The following TGFBR3 variants were observed in gnomAD, a reference collection of about 807,000 sequenced individuals.
The protein encoded by TGFBR3 is transforming growth factor beta receptor type 3.
In TGFBR3, 46 loss-of-function variants were observed where a neutral mutation model predicts 87.9. The observed-to-expected ratio is 0.52, with a 90% confidence interval of 0.41 to 0.67. TGFBR3 has a LOEUF of 0.67. TGFBR3 is among the 30% of genes least tolerant of loss of function. The pLI is 0.00. For missense variants in TGFBR3, 866 were observed against 1,041.9 expected, an observed-to-expected ratio of 0.83 and a Z score of 2.32; for synonymous variants, 381 against 391.6, an observed-to-expected ratio of 0.97 and a Z score of 0.32.
intron 2 of TGFBR3, 65 bp from the exon 3 acceptor site, chr1:91,797,536 AG>A: frequency 6.4e-7 from 1 of 1,573,064 alleles, no homozygotes; most frequent in Non-Finnish European, 8.7e-7. Flanking sequence ...CAAAGGGGCA[AG>A]GGTGATCAAA....
At chr1:91,770,354 C>T (rs1674334361) in intron 3 of TGFBR3, among the ~76,000 whole-genome samples, 1 of 151,888 alleles carries the variant, frequency 6.6e-6, no homozygotes, top group Non-Finnish European at 1.5e-5. Flanking sequence ...TATTAAACAC[C>T]AATTGAAAAA....
At chr1:91,721,122 G>GAA (rs1352542555) in intron 8 of TGFBR3, among the ~76,000 whole-genome samples, 1 of 152,182 alleles carries the variant, frequency 6.6e-6, no homozygotes, top group African/African-American at 2.4e-5. Flanking sequence ...AGCTGGAAGT[G>GAA]AAGATGATAG....
At chr1:91,774,051 T>G (rs1674478054) in intron 3 of TGFBR3, among the ~76,000 whole-genome samples, 2 of 152,154 alleles carry the variant, frequency 1.3e-5, no homozygotes, top group Admixed American at 6.5e-5. Context: ...TAAACCATGA[T>G]TTACAGTGCA....
rs147660731 is a variant in TGFBR3 at position 91,769,513 on chromosome 1, A to G, written c.247-10763T>C. 7.5e-3 allele frequency among the ~76,000 whole-genome samples: 1,143 copies of G among 152,066 alleles called. 23 individuals are homozygous for G. The highest frequency in any genetic ancestry group is 0.026 in the African/African-American group (1,080 of 41,474). ...CCCCACTTCCTGAGTCACGCTCCCAAAGCTTACTCACAGCACTATCATGAC... is the reference window on the plus strand; with the variant it reads ...CCCCACTTCCTGAGTCACGCTCCCAGAGCTTACTCACAGCACTATCATGAC... On this transcript the variant is annotated intron_variant, in intron 3 of 16. Transcript: ENST00000212355.
At chr1:91,785,768 C>CTTTTTTTTTTTTTT (rs774046968) in intron 3 of TGFBR3, among the ~76,000 whole-genome samples, 1 of 137,138 alleles carries the variant, frequency 7.3e-6, no homozygotes, top group African/African-American at 2.7e-5. Context: ...GGCTTCTGTA[C>CTTTTTTTTTTTTTT]TTTTTTTTTT....
At chr1:91,816,834 CT>C (rs1314109583) in intron 2 of TGFBR3, among the ~76,000 whole-genome samples, 3 of 152,198 alleles carry the variant, frequency 2.0e-5, no homozygotes, top group African/African-American at 4.8e-5. Context: ...AAAGTACTTA[CT>C]TTTTTTCCCC....
At chr1:91,735,034 C>T (rs749634801) in intron 4 of TGFBR3, 75 bp from the exon 5 acceptor site, 1 of 1,549,110 alleles carries the variant, frequency 6.5e-7, no homozygotes, top group African/African-American at 1.4e-5. Flanking sequence ...AAGTACTTCT[C>T]AAATCGAAGT....
chr1:91,834,311 A>G (rs982480808), intron 2 of TGFBR3, among the ~76,000 whole-genome samples: 8 of 152,206 alleles, frequency 5.3e-5, no homozygotes, highest in African/African-American at 1.9e-4. Flanking sequence ...TCACATATCA[A>G]AAAGACAAAA....
chr1:91,784,968 C>G (rs1674903499), intron 3 of TGFBR3, among the ~76,000 whole-genome samples: 1 of 152,184 alleles, frequency 6.6e-6, no homozygotes, highest in South Asian at 2.1e-4. Context: ...GCTTTGCAGG[C>G]CATGCAGGTC....
In TGFBR3 at chr1:91,891,837, T is replaced by G. The variant is rs115346160; in HGVS notation, c.-114+7800A>C. Reference sequence around the variant, plus strand: ...CTCATAAAGACCCAGTTCATACTCGTTGGTGTTTTATTTCATCATAACCTA... The same window carrying G: ...CTCATAAAGACCCAGTTCATACTCGGTGGTGTTTTATTTCATCATAACCTA... On this transcript the variant is annotated intron_variant, in intron 2 of 17. Coordinates refer to the TGFBR3 transcript ENST00000370399. Among the ~76,000 whole-genome samples the G allele has an allele frequency of 2.9e-3, 442 of 152,354 alleles. 2 individuals carry two copies. The highest frequency in any genetic ancestry group is 0.01 in the African/African-American group (431 of 41,592).
chr1:91,690,543 CT>C (rs1671229889), intron 16 of TGFBR3, among the ~76,000 whole-genome samples: 1 of 152,118 alleles, frequency 6.6e-6, no homozygotes, highest in Non-Finnish European at 1.5e-5. Context: ...TCCAGTCCTA[CT>C]TTGTAACAAA....
intron 1 of TGFBR3, among the ~76,000 whole-genome samples, chr1:91,880,816 C>G (rs1342543928): frequency 6.6e-6 from 1 of 150,714 alleles, no homozygotes; most frequent in Non-Finnish European, 1.5e-5. Context: ...GAGTTCGAGA[C>G]CAGCCGAGGC....
intron 1 of TGFBR3, among the ~76,000 whole-genome samples, chr1:91,873,280 TTC>T (rs1491380988): frequency 3.5e-5 from 4 of 114,784 alleles, no homozygotes; most frequent in Admixed American, 3.3e-4. Flanking sequence ...CAATTTTCCC[TTC>T]TTTTTTTTTT....
At chr1:91,727,631 A>C (rs1672595007) in intron 7 of TGFBR3, 28 bp downstream of exon 7, 3 of 1,613,862 alleles carry the variant, frequency 1.9e-6, no homozygotes, top group Admixed American at 1.7e-5. Flanking sequence ...TATCTAAACA[A>C]AACAAAAGAC....
At position 91,716,287 on chromosome 1, in the gene TGFBR3, C is replaced by T; in HGVS notation, c.1815G>A (p.Val605=). The stretch of plus-strand genomic sequence containing the variant: ...GCACAGAGAAGACGCCCTGGGAGGG[C>T]ACCAAAAAGAGGTCAGTGTTGTATA... ...MELYNTDLFL[V]PSQGVFSVPE... is the part of the protein sequence containing the mutation. The change falls in exon 12 of 17, where the codon GTG becomes GTA. Residue 605 remains valine, a synonymous_variant. Transcript: ENST00000212355. 2.5e-6 allele frequency: 4 copies of T among 1,614,094 alleles called. No individual in the cohort carries two copies. The highest frequency in any genetic ancestry group is 3.4e-6 in the Non-Finnish European group (4 of 1,180,008).
At chr1:91,878,227 C>A (rs1678929696) in intron 1 of TGFBR3, among the ~76,000 whole-genome samples, 3 of 151,752 alleles carry the variant, frequency 2.0e-5, no homozygotes, top group African/African-American at 7.3e-5. Flanking sequence ...TGAACACAAG[C>A]CTTTGTGATT....
At chr1:91,904,456 G>C (rs927618828) in intron 1 of TGFBR3, among the ~76,000 whole-genome samples, 3 of 151,448 alleles carry the variant, frequency 2.0e-5, no homozygotes, top group Admixed American at 6.6e-5. Context: ...GAATGCAATG[G>C]TGGGATCTCA....
At chr1:91,892,780 T>C (rs1207225844) in intron 2 of TGFBR3, among the ~76,000 whole-genome samples, 1 of 152,214 alleles carries the variant, frequency 6.6e-6, no homozygotes, top group African/African-American at 2.4e-5. Flanking sequence ...GATTTCAGAG[T>C]TTACTTGAAA....
At chr1:91,871,042 C>CAAA (rs58335918) in intron 1 of TGFBR3, among the ~76,000 whole-genome samples, 2 of 130,224 alleles carry the variant, frequency 1.5e-5, no homozygotes, top group Admixed American at 7.8e-5. Flanking sequence ...GCTCTGTCAC[C>CAAA]AAAAAAAAAA....
Sources: gnomAD v4.1 joint callset for allele counts (sites outside exome capture counted in the v4.1 genomes callset) on GRCh38, gnomAD v4.1.1 for gene constraint, MANE v1.5 for transcripts, NCBI Gene and HGNC (gene_info 2026-07-23, HGNC 2026-07-21) for gene names.